The following NLGN1 variants were observed in gnomAD, a reference collection of about 807,000 sequenced individuals.
NLGN1 encodes the protein neuroligin 1.
In NLGN1, 12 loss-of-function variants were observed where a neutral mutation model predicts 65.5. The ratio of observed to expected loss-of-function variants is 0.18; its 90% CI spans 0.12 to 0.30. NLGN1 has a LOEUF of 0.30. NLGN1 is among the 10% of genes least tolerant of loss of function. The pLI, the probability that NLGN1 is intolerant of heterozygous loss-of-function variation, is 1.00. For synonymous variants in NLGN1, 350 were observed against 359.5 expected (o/e 0.97, Z 0.30); for missense variants, 750 against 1,007.1 (o/e 0.74, Z 3.46).
chr3:174,086,232 C>CATAAAT (rs368643483), intron 4 of NLGN1, among the ~76,000 whole-genome samples: 1 of 1,054 alleles, frequency 9.5e-4, no homozygotes. Flanking sequence ...TATGTATGTG[C>CATAAAT]ACATATATAT....
chr3:173,865,825 A>G (rs1363359792), intron 4 of NLGN1, among the ~76,000 whole-genome samples: 1 of 152,206 alleles, frequency 6.6e-6, no homozygotes, highest in South Asian at 2.1e-4. Flanking sequence ...TGGAAGAGAG[A>G]TCGCTCTTTG....
chr3:174,221,631 T>C (rs1458168372), intron 4 of NLGN1, among the ~76,000 whole-genome samples: 1 of 151,478 alleles, frequency 6.6e-6, no homozygotes, highest in African/African-American at 2.4e-5. Context: ...AACTGGGGCA[T>C]ATGAGTTTCC....
At chr3:173,424,789 C>T (rs1715796034) in intron 1 of NLGN1, among the ~76,000 whole-genome samples, 1 of 152,172 alleles carries the variant, frequency 6.6e-6, no homozygotes, top group African/African-American at 2.4e-5. Context: ...TAGGAAGTTC[C>T]AGACTTTCCC....
At chr3:173,644,959 G>A (rs1327102869) in intron 3 of NLGN1, among the ~76,000 whole-genome samples, 14 of 152,218 alleles carry the variant, frequency 9.2e-5, no homozygotes, top group Admixed American at 9.2e-4. Flanking sequence ...ATGGATTTTG[G>A]CCCAGCTCAG....
intron 4 of NLGN1, among the ~76,000 whole-genome samples, chr3:173,902,887 T>C (rs532672726): frequency 9.9e-5 from 15 of 152,198 alleles, no homozygotes; most frequent in African/African-American, 3.4e-4. Flanking sequence ...AGAAACAGCA[T>C]CAAAGCGAGG....
chr3:173,445,317 A>G lies in NLGN1; in HGVS notation c.-321+10239A>G, dbSNP rs115752179. On this transcript the variant is annotated intron_variant, in intron 2 of 6. Coordinates refer to ENST00000457714, the Ensembl canonical transcript of NLGN1. ...AAAACAAGGACTTGTGTGAAGATCTATTATGGTTTCCTGTCAGTTGGTGTC... is the reference window on the plus strand; with the variant it reads ...AAAACAAGGACTTGTGTGAAGATCTGTTATGGTTTCCTGTCAGTTGGTGTC... 3.0e-3 allele frequency among the ~76,000 whole-genome samples: 443 copies of G among 150,158 alleles called. 1 individual carries two copies. Among genetic ancestry groups the G allele is most frequent in the Middle Eastern group, 7.0e-3 (2 of 286 alleles).
At chr3:173,759,081 A>G (rs778858384) in intron 3 of NLGN1, among the ~76,000 whole-genome samples, 23 of 151,528 alleles carry the variant, frequency 1.5e-4, no homozygotes, top group Non-Finnish European at 3.1e-4. Flanking sequence ...CCCCTTTCTC[A>G]CCACCTTCTT....
chr3:173,405,021 A>G (rs1443681511), intron 1 of NLGN1, among the ~76,000 whole-genome samples: 1 of 152,146 alleles, frequency 6.6e-6, no homozygotes, highest in Non-Finnish European at 1.5e-5. Context: ...TTTTACATGA[A>G]TAAAACATAT....
At chr3:174,175,265 C>T (rs959622994) in intron 4 of NLGN1, among the ~76,000 whole-genome samples, 6 of 151,830 alleles carry the variant, frequency 4.0e-5, no homozygotes, top group African/African-American at 1.5e-4. Context: ...ATGGGAGTCT[C>T]TTTCTCTCTT....
chr3:174,278,947 T>C, exon 6 of NLGN1: 1 of 1,539,646 alleles, frequency 6.5e-7, no homozygotes, highest in Non-Finnish European at 8.7e-7. Context: ...TGCTAGAATG[T>C]TGGCCACAAA....
intron 4 of NLGN1, among the ~76,000 whole-genome samples, chr3:173,864,462 G>T (rs1729738705): frequency 6.6e-6 from 1 of 152,158 alleles, no homozygotes; most frequent in South Asian, 2.1e-4. Flanking sequence ...ATTACACGTT[G>T]AAGGGGGAAA....
intron 1 of NLGN1, among the ~76,000 whole-genome samples, chr3:173,420,001 GT>G (rs1714694077): frequency 1.1e-5 from 1 of 90,210 alleles, no homozygotes; most frequent in South Asian, 4.2e-4. Context: ...ATAAAATAAA[GT>G]AAAATAAAAT....
intron 2 of NLGN1, among the ~76,000 whole-genome samples, chr3:173,472,772 TC>T: frequency 6.6e-6 from 1 of 152,158 alleles, no homozygotes; most frequent in Non-Finnish European, 1.5e-5. Flanking sequence ...GACTATAGCA[TC>T]TTTTTTCTCA....
At chr3:174,202,807 TAA>T (rs1418690129) in intron 4 of NLGN1, 1 of 152,144 alleles carries the variant, frequency 6.6e-6, no homozygotes, top group African/African-American at 2.4e-5. Flanking sequence ...GCAGCAGTAA[TAA>T]TAAAGGTCAG....
rs565754839 is a variant in NLGN1, at chr3:173,929,432, T to A, written c.646+121600T>A. Among the ~76,000 whole-genome samples, 80 of 152,334 alleles carry A rather than the reference T, an allele frequency of 5.3e-4. 1 individual carries two copies. The highest frequency in any genetic ancestry group is 5.2e-3 in the South Asian group (25 of 4,826). On this transcript the variant is annotated intron_variant, in intron 4 of 6. Transcript: ENST00000457714. ...GAAATTCAAAGGATATTGCAGGTTG[T>A]CAGATTTGCCCACACAATATCTGAA... is the stretch of plus-strand genomic sequence containing the variant.
intron 4 of NLGN1, among the ~76,000 whole-genome samples, chr3:173,971,618 T>C (rs1229013555): frequency 2.6e-5 from 4 of 152,080 alleles, no homozygotes; most frequent in Admixed American, 2.6e-4. Context: ...ACAGTATATA[T>C]GAAATGCTAA....
intron 2 of NLGN1, among the ~76,000 whole-genome samples, chr3:173,446,532 G>T (rs1020303463): frequency 2.0e-5 from 3 of 152,158 alleles, no homozygotes; most frequent in Non-Finnish European, 4.4e-5. Flanking sequence ...ACATACGTGT[G>T]CATGTGTCTT....
intron 4 of NLGN1, among the ~76,000 whole-genome samples, chr3:173,857,319 T>G (rs1728187966): frequency 6.6e-6 from 1 of 152,112 alleles, no homozygotes; most frequent in Non-Finnish European, 1.5e-5. Flanking sequence ...GTTCAAACCC[T>G]GAAAGACTAG....
intron 2 of NLGN1, among the ~76,000 whole-genome samples, chr3:173,547,722 C>A (rs1163646579): frequency 6.6e-6 from 1 of 152,028 alleles, no homozygotes; most frequent in African/African-American, 2.4e-5. Flanking sequence ...TACTTACAGA[C>A]AATGGATTAG....
Sources: allele counts gnomAD v4.1 joint callset (sites outside exome capture counted in the v4.1 genomes callset), GRCh38; gene constraint gnomAD v4.1.1; transcripts MANE v1.5; gene names NCBI Gene and HGNC (gene_info 2026-07-23, HGNC 2026-07-21).